The following PPP6R3 variants were observed in gnomAD, a reference collection of about 807,000 sequenced individuals.
PPP6R3 encodes serine/threonine-protein phosphatase 6 regulatory subunit 3.
A neutral mutation model predicts 110.7 loss-of-function variants in PPP6R3; 38 were observed. The ratio of observed to expected loss-of-function variants is 0.34; its 90% CI spans 0.26 to 0.45. The LOEUF (loss-of-function observed/expected upper bound fraction) is 0.45. Ranked by LOEUF, PPP6R3 falls within the 20% of genes least tolerant of loss-of-function variation. PPP6R3 has a pLI of 1.00. For synonymous variants in PPP6R3, 369 were observed against 373.5 expected, an observed-to-expected ratio of 0.99 and a Z score of 0.14; for missense variants, 870 against 1,062.4, an observed-to-expected ratio of 0.82 and a Z score of 2.52.
intron 15 of PPP6R3, 35 bp from the exon 16 acceptor site, chr11:68,587,892 C>G (rs1014542185): frequency 6.6e-7 from 1 of 1,504,824 alleles, no homozygotes; most frequent in Non-Finnish European, 9.3e-7. Flanking sequence ...TCATTAGAAT[C>G]ATTATATCAC....
At chr11:68,590,852 TC>T in intron 17 of PPP6R3, 138 bp downstream of exon 17, 1 of 1,045,870 alleles carries the variant, frequency 9.6e-7, no homozygotes, top group Non-Finnish European at 1.3e-6. Context: ...CTTCACTCTG[TC>T]CCACGGCCTA....
intron 15 of PPP6R3, among the ~76,000 whole-genome samples, chr11:68,585,510 A>T (rs1207828060): frequency 1.3e-5 from 2 of 152,234 alleles, no homozygotes; most frequent in African/African-American, 4.8e-5. Context: ...TTTAAAAATA[A>T]TTATACAGCT....
chr11:68,511,019 CTATT>C (rs1276785852), intron 1 of PPP6R3, among the ~76,000 whole-genome samples: 1 of 151,658 alleles, frequency 6.6e-6, no homozygotes, highest in Admixed American at 6.6e-5. Flanking sequence ...GGTTAAATCA[CTATT>C]TAGTTTTTTC....
chr11:68,512,781 G>A (rs1464864301), intron 1 of PPP6R3, among the ~76,000 whole-genome samples: 1 of 152,184 alleles, frequency 6.6e-6, no homozygotes, highest in African/African-American at 2.4e-5. Flanking sequence ...GCATCTAAAC[G>A]CACTTGCTTA....
In PPP6R3 at chr11:68,544,907, T is replaced by A. The variant is rs1309030142; in HGVS notation, c.297T>A (p.Asp99Glu). Reference sequence around the variant, plus strand: ...AGATGAATGATAGACTGGGAGAAGATGAATCCTTGCTAATGAAATTATATA... The same window carrying A: ...AGATGAATGATAGACTGGGAGAAGAAGAATCCTTGCTAATGAAATTATATA... ...VSQMNDRLGE[D>E]ESLLMKLYSF... is the part of the protein sequence containing the mutation. Residue 99 changes from aspartate (D) to glutamate (E), a missense_variant, in exon 4 of 24, where the codon GAT becomes GAA. By Grantham distance (45) the Asp-to-Glu change is conservative. Coordinates refer to ENST00000393800, the MANE Select transcript of PPP6R3 (RefSeq NM_001164161.2). 2.5e-6 allele frequency: 4 copies of A among 1,607,042 alleles called. No homozygotes were observed. Among genetic ancestry groups the A allele is most frequent in the Non-Finnish European group, 3.4e-6 (4 of 1,173,600 alleles).
intron 2 of PPP6R3, among the ~76,000 whole-genome samples, chr11:68,531,746 A>G (rs1283394031): frequency 6.6e-6 from 1 of 152,134 alleles, no homozygotes; most frequent in Non-Finnish European, 1.5e-5. Flanking sequence ...TGTATGTTCT[A>G]GCTGCTATTG....
rs920339279 is a variant in PPP6R3 at position 68,528,123 on chromosome 11, A to T, written c.-7+8472A>T. On this transcript the variant is annotated intron_variant, in intron 2 of 23. Transcript: ENST00000393800. ...TTCAAGGCTTTAGGGACCATCTGTC[A>T]TATTACTCCTGTATTCCTTAGCATA... is the stretch of plus-strand genomic sequence containing the variant. Among the ~76,000 whole-genome samples the T allele has an allele frequency of 6.6e-5, 10 of 152,286 alleles. No individual in the cohort carries two copies. In the East Asian group the frequency reaches 1.7e-3, roughly 26 times the overall value.
At chr11:68,563,510 AAAG>A (rs990280182) in intron 8 of PPP6R3, among the ~76,000 whole-genome samples, 2 of 152,130 alleles carry the variant, frequency 1.3e-5, no homozygotes. Context: ...TCTTTTTTCC[AAAG>A]AAGGTGACAT....
intron 2 of PPP6R3, among the ~76,000 whole-genome samples, chr11:68,534,281 C>T (rs894988935): frequency 6.6e-6 from 1 of 152,170 alleles, no homozygotes; most frequent in African/African-American, 2.4e-5. Flanking sequence ...GAACAAAGGA[C>T]ACTACACTTT....
chr11:68,494,073 A>T (rs2099000551), intron 1 of PPP6R3, among the ~76,000 whole-genome samples: 1 of 148,930 alleles, frequency 6.7e-6, no homozygotes, highest in East Asian at 2.0e-4. Context: ...ACTGTACTCC[A>T]GCCTGGGCAG....
intron 2 of PPP6R3, among the ~76,000 whole-genome samples, chr11:68,536,485 G>C (rs2099271635): frequency 2.6e-5 from 4 of 152,086 alleles, no homozygotes; most frequent in African/African-American, 9.6e-5. Context: ...GGCCGTTCTT[G>C]AACTCCTGAC....
Position 68,519,621 on chromosome 11 carries a change from T to G in PPP6R3, c.-37T>G. The G allele has an allele frequency of 2.5e-6, 1 of 398,558 alleles. No individual in the cohort carries two copies. The highest frequency in any genetic ancestry group is 3.6e-5 in the East Asian group (1 of 28,068). The allele number at this position is 398,558 out of a possible 1,614,324, so 24.7% of individuals were successfully genotyped here. A position where few individuals can be genotyped will look rare whatever the true frequency, so the allele number is the denominator to read the frequency against. On this transcript the variant is annotated 5_prime_UTR_variant, in exon 2 of 24. Coordinates refer to ENST00000393800, the MANE Select transcript of PPP6R3 (RefSeq NM_001164161.2). ...GCAAGGAGCCACAAAGAAGAAAACA[T>G]TTCTTTTAATTTTTAAACTTGGTTT...
In PPP6R3 at chr11:68,507,085, T is replaced by G. The variant is rs2099082398; in HGVS notation, c.-157-12416T>G. Among the ~76,000 whole-genome samples the G allele has an allele frequency of 1.3e-5, 2 of 152,168 alleles. 1 individual carries two copies. The highest frequency in any genetic ancestry group is 4.1e-4 in the South Asian group (2 of 4,832). Reference sequence around the variant, plus strand: ...GTGTTGGCTTCATATATGCCTGCAGTGATTTGAGTGTCCATTAGGGTGCAT... The same window carrying G: ...GTGTTGGCTTCATATATGCCTGCAGGGATTTGAGTGTCCATTAGGGTGCAT... On this transcript the variant is annotated intron_variant, in intron 1 of 23. Transcript: ENST00000393800.
At chr11:68,594,315 A>T (rs2099605600) in intron 18 of PPP6R3, among the ~76,000 whole-genome samples, 1 of 147,104 alleles carries the variant, frequency 6.8e-6, no homozygotes, top group African/African-American at 2.6e-5. Flanking sequence ...AGAGAGAGAG[A>T]GAGAAAAAGA....
At chr11:68,492,749 T>C (rs920808729) in intron 1 of PPP6R3, among the ~76,000 whole-genome samples, 2 of 152,200 alleles carry the variant, frequency 1.3e-5, no homozygotes, top group Admixed American at 6.5e-5. Flanking sequence ...AGGGTTCCAC[T>C]TTGCCCACAT....
intron 23 of PPP6R3, among the ~76,000 whole-genome samples, chr11:68,611,398 A>G (rs1049400425): frequency 2.6e-5 from 4 of 152,220 alleles, no homozygotes; most frequent in African/African-American, 9.7e-5. Context: ...CTTTCTGAGC[A>G]CAGAAGAATT....
intron 8 of PPP6R3, among the ~76,000 whole-genome samples, chr11:68,559,780 G>T (rs1014865073): frequency 5.9e-5 from 7 of 118,784 alleles, no homozygotes; most frequent in African/African-American, 1.2e-4. Context: ...CACCCCAGGG[G>T]TACAGTACCC....
At chr11:68,588,758 TAA>T (rs367918194) in intron 16 of PPP6R3, among the ~76,000 whole-genome samples, 16 of 141,588 alleles carry the variant, frequency 1.1e-4, no homozygotes, top group Non-Finnish European at 1.1e-4. Context: ...ACTCGGTCTT[TAA>T]AAAAAAAAAA....
At chr11:68,511,463 A>AGTGTGTGTGTGTGTGTGTGTGTGT (rs111457206) in intron 1 of PPP6R3, among the ~76,000 whole-genome samples, 4,001 of 138,428 alleles carry the variant, frequency 0.029, 101 homozygotes, top group Middle Eastern at 0.052. Context: ...ACTGTGTTAG[A>AGTGTGTGTGTGTGTGTGTGTGTGT]GTGTGTGTGT....
Sources: allele counts gnomAD v4.1 joint callset (sites outside exome capture counted in the v4.1 genomes callset), GRCh38; gene constraint gnomAD v4.1.1; transcripts MANE v1.5; gene names NCBI Gene and HGNC (gene_info 2026-07-23, HGNC 2026-07-21).